USP24: variants seen among roughly 807,000 people sequenced by gnomAD.
The protein encoded by USP24 is ubiquitin carboxyl-terminal hydrolase 24.
A neutral mutation model predicts 361.6 loss-of-function variants in USP24; 97 were observed. The observed-to-expected ratio is 0.27, with a 90% CI of 0.23 to 0.32. The LOEUF (loss-of-function observed/expected upper bound fraction) is 0.32, where lower values mean the gene tolerates loss of function less well. Among genes scored for constraint, USP24 ranks in the 10% least tolerant of loss-of-function variants. The pLI is 1.00. For synonymous variants in USP24, 1,098 were observed against 1,124.6 expected (o/e 0.98, Z 0.47); for missense variants, 2,353 against 3,165.6 (o/e 0.74, Z 6.16).
At chr1:55,094,263 T>C (rs1645444506) in intron 51 of USP24, among the ~76,000 whole-genome samples, 176 bp from the exon 52 acceptor site, 1 of 152,152 alleles carries the variant, frequency 6.6e-6, no homozygotes. Context: ...AATTAAGAAA[T>C]TAAAAATGCA....
At chr1:55,186,770 G>C (rs570312836) in intron 1 of USP24, among the ~76,000 whole-genome samples, 2 of 152,254 alleles carry the variant, frequency 1.3e-5, no homozygotes, top group South Asian at 4.2e-4. Context: ...GGTGCAGGGG[G>C]GAATAGGGAG....
intron 3 of USP24, 72 bp from the exon 4 acceptor site, chr1:55,172,592 A>T (rs981249221): frequency 2.1e-6 from 3 of 1,452,468 alleles, no homozygotes; most frequent in Non-Finnish European, 2.8e-6. Flanking sequence ...TATCAAGTCC[A>T]TCTCAAATAA....
intron 59 of USP24, among the ~76,000 whole-genome samples, chr1:55,080,255 C>T (rs1360135263): frequency 6.6e-6 from 1 of 152,138 alleles, no homozygotes; most frequent in Non-Finnish European, 1.5e-5. Context: ...GTAGCTTTGT[C>T]TTTTTAGATG....
Position 55,124,645 on chromosome 1 carries a change from GTAT to G in USP24, c.3961-20_3961-18del, listed in dbSNP as rs1405814712. On this transcript the variant is annotated intron_variant, in intron 34 of 67. Coordinates refer to ENST00000294383, the MANE Select transcript of USP24 (RefSeq NM_015306.3). ...TTCCATTGTCTAAAGAATGGAACAAGTATTATGAGAAAGAGCAATACTTGAACA... is the reference window on the plus strand; with the variant it reads ...TTCCATTGTCTAAAGAATGGAACAAGTATGAGAAAGAGCAATACTTGAACA... 1 of 1,613,036 alleles carries G rather than the reference GTAT, an allele frequency of 6.2e-7. No homozygotes were observed. Among genetic ancestry groups the G allele is most frequent in the African/African-American group, 1.3e-5 (1 of 74,898 alleles).
At chr1:55,105,545 AAGTT>A (rs1255566373) in intron 41 of USP24, among the ~76,000 whole-genome samples, 4 of 152,210 alleles carry the variant, frequency 2.6e-5, no homozygotes, top group African/African-American at 7.2e-5. Context: ...GAAAGGAACA[AAGTT>A]AGTTAGATTT....
rs746113744 is a variant in USP24, at chr1:55,124,614, A to G, written c.3975T>C (p.Ser1325=). The stretch of plus-strand genomic sequence containing the variant: ...AGCAAGCCACAGTAGAAGTGAAATC[A>G]CTTACTTCCATTGTCTAAAGAATGG... The part of the protein sequence containing the change: ...ARVAIQTMEV[S]DFTSTVACFM... The change falls in exon 35 of 68, where the codon AGT becomes AGC. Residue 1325 remains serine, a synonymous_variant. Transcript: ENST00000294383. 6.2e-7 allele frequency: 1 copy of G among 1,613,954 alleles called. No individual in the cohort carries two copies. The highest frequency in any genetic ancestry group is 8.5e-7 in the Non-Finnish European group (1 of 1,179,882).
intron 16 of USP24, chr1:55,151,765 T>G (rs1051995304): frequency 4.5e-6 from 2 of 443,854 alleles, no homozygotes; most frequent in Admixed American, 1.3e-4. Flanking sequence ...AGAAATAAAG[T>G]TAGGAAATCA....
chr1:55,093,000 AT>A, intron 52 of USP24, 84 bp from the exon 53 acceptor site: 1 of 854,938 alleles, frequency 1.2e-6, no homozygotes, highest in South Asian at 2.2e-5. Context: ...ATGTAAAAAT[AT>A]AGGTAAAAAG....
chr1:55,211,960 C>G (rs1042605996), intron 1 of USP24, among the ~76,000 whole-genome samples: 16 of 152,072 alleles, frequency 1.1e-4, no homozygotes, highest in African/African-American at 3.9e-4. Context: ...CAATCTTCAC[C>G]CAGTTTTTTT....
At chr1:55,101,840 A>G (rs1022021748) in intron 42 of USP24, 137 bp from the exon 43 acceptor site, 51 of 1,139,766 alleles carry the variant, frequency 4.5e-5, no homozygotes, top group Non-Finnish European at 5.6e-5. Flanking sequence ...TGCTGGCAAA[A>G]CCTATGTTCA....
chr1:55,090,648 C>T (rs1645353276), intron 54 of USP24, among the ~76,000 whole-genome samples: 1 of 152,184 alleles, frequency 6.6e-6, no homozygotes, highest in South Asian at 2.1e-4. Flanking sequence ...TAACTGGTCT[C>T]CTCACCCTGG....
Position 55,137,919 on chromosome 1 carries a change from TA to T in USP24, c.2929-16del. ...TTACTGTGAGCCTGTAAAATAAAATTAAACACGTTGTGAGAGAATTCATTTA... is the reference window on the plus strand; with the variant it reads ...TTACTGTGAGCCTGTAAAATAAAATTAACACGTTGTGAGAGAATTCATTTA... On this transcript the variant is annotated splice_polypyrimidine_tract_variant and intron_variant, in intron 26 of 67. Coordinates refer to ENST00000294383, the MANE Select transcript of USP24 (RefSeq NM_015306.3). 6.4e-7 allele frequency: 1 copy of T among 1,561,428 alleles called. No homozygotes were observed. The highest frequency in any genetic ancestry group is 8.7e-7 in the Non-Finnish European group (1 of 1,151,170).
At chr1:55,177,590 A>G (rs891124460) in intron 2 of USP24, among the ~76,000 whole-genome samples, 1 of 152,118 alleles carries the variant, frequency 6.6e-6, no homozygotes, top group Non-Finnish European at 1.5e-5. Context: ...TAATAGCTTG[A>G]TATTTATAAA....
Position 55,176,364 on chromosome 1 carries a change from C to T in USP24, c.558+12G>A. On this transcript the variant is annotated intron_variant, in intron 3 of 67. Transcript: ENST00000294383. Reference sequence around the variant, plus strand: ...ACACACACAAAATATCACAGCAGCACATTTTTCTTACCTTTTTAAATGCTT... The same window carrying T: ...ACACACACAAAATATCACAGCAGCATATTTTTCTTACCTTTTTAAATGCTT... 6.4e-7 allele frequency: 1 copy of T among 1,559,990 alleles called. No individual in the cohort carries two copies.
At chr1:55,115,324 G>A (rs183224743) in intron 38 of USP24, among the ~76,000 whole-genome samples, 57 of 151,636 alleles carry the variant, frequency 3.8e-4, no homozygotes, top group African/African-American at 1.2e-3. Context: ...GTGAAACCCC[G>A]TCTCTACTAA....
At chr1:55,124,929 T>G (rs879398681) in intron 34 of USP24, among the ~76,000 whole-genome samples, 3 of 152,224 alleles carry the variant, frequency 2.0e-5, no homozygotes, top group Non-Finnish European at 4.4e-5. Flanking sequence ...GTCTCTAGTT[T>G]GCACATGTGC....
intron 1 of USP24, among the ~76,000 whole-genome samples, chr1:55,178,657 C>A (rs915224069): frequency 6.7e-6 from 1 of 149,888 alleles, no homozygotes; most frequent in Non-Finnish European, 1.5e-5. Context: ...GCCTGGGCAA[C>A]AGAGTGAGAC....
intron 2 of USP24, among the ~76,000 whole-genome samples, chr1:55,176,972 T>C (rs1046328203): frequency 2.6e-5 from 4 of 151,894 alleles, no homozygotes; most frequent in Non-Finnish European, 4.4e-5. Flanking sequence ...TTGCCTGTTG[T>C]CCCGGCTACT....
At chr1:55,146,204 C>A in intron 19 of USP24, 95 bp from the exon 20 acceptor site, 4 of 838,764 alleles carry the variant, frequency 4.8e-6, no homozygotes, top group Non-Finnish European at 7.6e-6. Context: ...TTTAATACTT[C>A]AAATGTTTAT....
Sources: gnomAD v4.1 joint callset for allele counts (sites outside exome capture counted in the v4.1 genomes callset) on GRCh38, gnomAD v4.1.1 for gene constraint, MANE v1.5 for transcripts, NCBI Gene and HGNC (gene_info 2026-07-23, HGNC 2026-07-21) for gene names.